Variants in DIS3L2 observed in about 807,000 individuals in gnomAD.
DIS3L2 encodes the protein DIS3-like exonuclease 2.
DIS3L2 carries 34 observed loss-of-function variants against 97.5 expected under a neutral mutation model. The observed-to-expected ratio is 0.35, with a 90% CI of 0.27 to 0.46. The LOEUF (loss-of-function observed/expected upper bound fraction) is 0.46, where lower values mean the gene tolerates loss of function less well. Among genes scored for constraint, DIS3L2 ranks in the 20% least tolerant of loss-of-function variants. The probability of loss-of-function intolerance (pLI) is 1.00; values close to 1 mark genes in which losing one functional copy is unlikely to be tolerated. For synonymous variants in DIS3L2, 435 were observed against 445.2 expected, an observed-to-expected ratio of 0.98 and a Z score of 0.29; for missense variants, 1,038 against 1,146.0, an observed-to-expected ratio of 0.91 and a Z score of 1.36.
chr2:231,970,202 C>A (rs186323763), intron 1 of DIS3L2, among the ~76,000 whole-genome samples: 70 of 152,256 alleles, frequency 4.6e-4, no homozygotes, highest in African/African-American at 1.5e-3. Context: ...CCCACTGTCA[C>A]CTCTTAAAGT....
At chr2:232,191,046 A>C (rs1691606651) in intron 9 of DIS3L2, among the ~76,000 whole-genome samples, 2 of 152,204 alleles carry the variant, frequency 1.3e-5, no homozygotes, top group Admixed American at 6.5e-5. Context: ...CTCAAGAGTC[A>C]TGTCAGTGCA....
At chr2:232,099,937 T>C (rs981478945) in intron 6 of DIS3L2, among the ~76,000 whole-genome samples, 1 of 152,216 alleles carries the variant, frequency 6.6e-6, no homozygotes, top group African/African-American at 2.4e-5. Context: ...TATATTTTAA[T>C]TATTTGAATC....
At chr2:232,043,336 A>G (rs913610911) in intron 5 of DIS3L2, among the ~76,000 whole-genome samples, 1 of 152,172 alleles carries the variant, frequency 6.6e-6, no homozygotes, top group Admixed American at 6.5e-5. Context: ...ACTTCTGCTC[A>G]TAGCTCATTG....
chr2:232,038,773 T>G (rs1209419191), intron 5 of DIS3L2, among the ~76,000 whole-genome samples: 1 of 152,150 alleles, frequency 6.6e-6, no homozygotes, highest in Non-Finnish European at 1.5e-5. Context: ...GTTGTTGAGG[T>G]CTGGAGGAAA....
intron 5 of DIS3L2, among the ~76,000 whole-genome samples, chr2:232,036,985 C>G (rs1694968154): frequency 6.6e-6 from 1 of 152,200 alleles, no homozygotes. Context: ...GTCTCCCTGT[C>G]AGGAGGCACA....
At chr2:232,083,731 G>A (rs1696486557) in intron 5 of DIS3L2, among the ~76,000 whole-genome samples, 1 of 152,158 alleles carries the variant, frequency 6.6e-6, no homozygotes, top group Non-Finnish European at 1.5e-5. Context: ...CTGACTGCAA[G>A]TGATCTGCCT....
Position 232,268,506 on chromosome 2 carries a change from T to G in DIS3L2, c.1659+5066T>G, listed in dbSNP as rs1574983128. Among the ~76,000 whole-genome samples, 1 of 152,232 alleles carries G rather than the reference T, an allele frequency of 6.6e-6. No homozygotes were observed. The highest frequency in any genetic ancestry group is 1.9e-4 in the East Asian group (1 of 5,196). ...TTGTGGGCTGTGCAGTCTCTGTCTC[T>G]GCTACTCAACTCTGCTGTTGTAGTG... On this transcript the variant is annotated intron_variant, in intron 13 of 20. Transcript: ENST00000325385. This position sits in a 1 kb window ranked among gnomAD's most constrained non-coding sequence, Gnocchi z 4.1.
At chr2:232,144,359 T>C (rs1479583923) in intron 8 of DIS3L2, among the ~76,000 whole-genome samples, 1 of 152,176 alleles carries the variant, frequency 6.6e-6, no homozygotes, top group Non-Finnish European at 1.5e-5. Flanking sequence ...AAAATAGTGA[T>C]AATCGTTGGG....
intron 13 of DIS3L2, among the ~76,000 whole-genome samples, chr2:232,275,663 T>G (rs2106294910): frequency 6.6e-6 from 1 of 152,376 alleles, no homozygotes; most frequent in South Asian, 2.1e-4. Flanking sequence ...TTAAATTATT[T>G]TAATTTTATA....
intron 1 of DIS3L2, among the ~76,000 whole-genome samples, chr2:231,971,474 G>A (rs1170221481): frequency 6.6e-6 from 1 of 151,276 alleles, no homozygotes; most frequent in Non-Finnish European, 1.5e-5. Context: ...TTTGAACGGA[G>A]TCTCGCACTC....
At position 232,276,226 on chromosome 2, in the gene DIS3L2, G is replaced by A. The variant is rs542983586; in HGVS notation, c.1659+12786G>A. Among the ~76,000 whole-genome samples, 1 of 152,354 alleles carries A rather than the reference G, an allele frequency of 6.6e-6. No individual in the cohort carries two copies. The highest frequency in any genetic ancestry group is 2.4e-5 in the African/African-American group (1 of 41,584). On this transcript the variant is annotated intron_variant, in intron 13 of 20. Coordinates refer to ENST00000325385, the MANE Select transcript of DIS3L2 (RefSeq NM_152383.5). This position sits in a 1 kb window ranked among gnomAD's most constrained non-coding sequence, Gnocchi z 4.4. The stretch of plus-strand genomic sequence containing the variant: ...GTTTCGAAGCACATTTGAACAGAGA[G>A]CTGTGACTGAGCTCTGAGAATGCTG...
At chr2:232,279,410 A>G (rs1378000167) in intron 13 of DIS3L2, among the ~76,000 whole-genome samples, 1 of 152,204 alleles carries the variant, frequency 6.6e-6, no homozygotes, top group Non-Finnish European at 1.5e-5. Context: ...TGCTGTCTGC[A>G]TATCTTCTTT....
chr2:232,218,144 A>G (rs533988506), intron 10 of DIS3L2, among the ~76,000 whole-genome samples: 1 of 152,340 alleles, frequency 6.6e-6, no homozygotes, highest in Non-Finnish European at 1.5e-5. Flanking sequence ...GGAGGGCAGG[A>G]GAAAGTCAGA....
intron 5 of DIS3L2, among the ~76,000 whole-genome samples, chr2:232,053,747 G>T (rs1440844486): frequency 7.9e-5 from 12 of 152,156 alleles, no homozygotes; most frequent in Non-Finnish European, 1.5e-4. Context: ...TCTATGGAGG[G>T]GCATGGAGCT....
chr2:232,006,477 G>A (rs1022523252), intron 1 of DIS3L2, among the ~76,000 whole-genome samples: 1 of 152,168 alleles, frequency 6.6e-6, no homozygotes, highest in Admixed American at 6.5e-5. Context: ...GCCCAGGGAT[G>A]ATAATGATGT....
chr2:232,000,975 T>A (rs1357471680), intron 1 of DIS3L2, among the ~76,000 whole-genome samples: 1 of 152,102 alleles, frequency 6.6e-6, no homozygotes, highest in Non-Finnish European at 1.5e-5. Context: ...TTTAGGTTGA[T>A]TCCGTATCTT....
At chr2:232,031,424 A>C (rs1370661749) in intron 5 of DIS3L2, among the ~76,000 whole-genome samples, 1 of 151,980 alleles carries the variant, frequency 6.6e-6, no homozygotes. Flanking sequence ...TACAGGTAGG[A>C]AAAGACAGAT....
chr2:232,243,486 C>G (rs984571201), intron 11 of DIS3L2, among the ~76,000 whole-genome samples: 1 of 151,950 alleles, frequency 6.6e-6, no homozygotes, highest in African/African-American at 2.4e-5. Flanking sequence ...GTCATCAGTA[C>G]CTGGGCCCTT....
intron 5 of DIS3L2, among the ~76,000 whole-genome samples, chr2:232,042,563 TTCCCA>T (rs1695139035): frequency 5.3e-5 from 8 of 152,164 alleles, no homozygotes; most frequent in Admixed American, 5.2e-4. Flanking sequence ...TGATCAGATT[TTCCCA>T]AGATTGTTAT....
Sources: allele counts gnomAD v4.1 joint callset (sites outside exome capture counted in the v4.1 genomes callset), GRCh38; gene constraint gnomAD v4.1.1; non-coding constraint Gnocchi (gnomAD v3.1); transcripts MANE v1.5; gene names NCBI Gene and HGNC (gene_info 2026-07-23, HGNC 2026-07-21).